PCDHA7: variants seen among roughly 807,000 people sequenced by gnomAD.
The protein encoded by PCDHA7 is protocadherin alpha 7.
Under a neutral mutation model 57.2 loss-of-function variants are expected in PCDHA7, and 37 were observed. The observed-to-expected ratio is 0.65, with a 90% CI of 0.50 to 0.85. The LOEUF (loss-of-function observed/expected upper bound fraction) is 0.85. Among genes scored for constraint, PCDHA7 ranks in the 40% least tolerant of loss-of-function variants. The pLI is 0.00. For synonymous variants in PCDHA7, 553 were observed against 558.8 expected (o/e 0.99, Z 0.15); for missense variants, 1,188 against 1,241.8 (o/e 0.96, Z 0.65).
intron 1 of PCDHA7, chr5:140,928,069 A>C (rs782427256): frequency 6.2e-7 from 1 of 1,614,180 alleles, no homozygotes; most frequent in Non-Finnish European, 8.5e-7. Context: ...TTCCTTTGAC[A>C]ACTACTACAG....
At chr5:140,869,288 G>C (rs950790626) in intron 1 of PCDHA7, 2 of 1,613,578 alleles carry the variant, frequency 1.2e-6, no homozygotes, top group South Asian at 1.1e-5. Flanking sequence ...CTGGTGCAGC[G>C]CCTGTTCCGG....
At chr5:140,984,704 G>A (rs2097116148) in intron 3 of PCDHA7, among the ~76,000 whole-genome samples, 1 of 152,032 alleles carries the variant, frequency 6.6e-6, no homozygotes, top group Non-Finnish European at 1.5e-5. Flanking sequence ...CTGCTTGGAG[G>A]GAATATGGCA....
chr5:140,958,890 A>G (rs1379321415), intron 1 of PCDHA7, among the ~76,000 whole-genome samples: 1 of 152,044 alleles, frequency 6.6e-6, no homozygotes, highest in African/African-American at 2.4e-5. Context: ...CAGTAGCTAT[A>G]TAATAGATAC....
At chr5:140,905,878 C>T (rs1187937436) in intron 1 of PCDHA7, among the ~76,000 whole-genome samples, 2 of 152,054 alleles carry the variant, frequency 1.3e-5, no homozygotes, top group African/African-American at 2.4e-5. Flanking sequence ...CAAGGCCCAA[C>T]AATAGGCCAT....
At chr5:140,875,947 GA>G in intron 1 of PCDHA7, 1 of 1,614,184 alleles carries the variant, frequency 6.2e-7, no homozygotes, top group Non-Finnish European at 8.5e-7. Context: ...GGGCGCTTCT[GA>G]TGCGGATATC....
chr5:140,978,057 T>C (rs527562348), intron 1 of PCDHA7, among the ~76,000 whole-genome samples: 1 of 152,304 alleles, frequency 6.6e-6, no homozygotes, highest in South Asian at 2.1e-4. Context: ...ACTGATGATG[T>C]CCCAGTGATT....
intron 1 of PCDHA7, among the ~76,000 whole-genome samples, chr5:140,940,929 A>G (rs2092704989): frequency 1.3e-5 from 2 of 152,230 alleles, no homozygotes; most frequent in Non-Finnish European, 2.9e-5. Flanking sequence ...CTCCTTGGCT[A>G]CTTAGACTAC....
intron 1 of PCDHA7, chr5:140,848,846 C>G: frequency 6.3e-7 from 1 of 1,590,530 alleles, no homozygotes; most frequent in Non-Finnish European, 8.6e-7. Flanking sequence ...TGCAGGTTTT[C>G]CATGTGGACG....
At chr5:140,909,926 A>G (rs781804027) in intron 1 of PCDHA7, among the ~76,000 whole-genome samples, 4 of 152,190 alleles carry the variant, frequency 2.6e-5, no homozygotes, top group Admixed American at 2.6e-4. Flanking sequence ...CCTTTCCCCA[A>G]TCACAGTTAC....
At chr5:140,916,776 C>A (rs2153540006) in intron 1 of PCDHA7, among the ~76,000 whole-genome samples, 1 of 152,308 alleles carries the variant, frequency 6.6e-6, no homozygotes. Context: ...CACAAGCACT[C>A]CCTTAGCTGC....
At chr5:140,900,957 A>C (rs1264192105) in intron 1 of PCDHA7, among the ~76,000 whole-genome samples, 1 of 152,206 alleles carries the variant, frequency 6.6e-6, no homozygotes, top group African/African-American at 2.4e-5. Flanking sequence ...TCTGATTATC[A>C]GTGATGTTGA....
In PCDHA7 at chr5:140,853,126, G is replaced by A. The variant is rs182768558; in HGVS notation, c.2355+16388G>A. 8.6e-5 allele frequency: 48 copies of A among 560,326 alleles called. 1 individual carries two copies. In the East Asian group the frequency reaches 5.9e-3, roughly 68 times the overall value. The allele number at this position is 560,326 out of a possible 1,614,324, so 34.7% of individuals were successfully genotyped here. On this transcript the variant is annotated intron_variant, in intron 1 of 3. Coordinates refer to ENST00000525929, the MANE Select transcript of PCDHA7 (RefSeq NM_018910.3). ...GATCTCCTGACCTCATGATCCTCCC[G>A]CCTCAGCCTCCCAAAATGCTGGGAT...
At chr5:140,870,402 T>G (rs782585618) in intron 1 of PCDHA7, 8 of 1,614,212 alleles carry the variant, frequency 5.0e-6, no homozygotes, top group Non-Finnish European at 5.1e-6. Flanking sequence ...GTTCGCCTTC[T>G]CTGTGGGCCA....
At chr5:141,005,978 G>C (rs1226619772) in intron 3 of PCDHA7, among the ~76,000 whole-genome samples, 2 of 151,936 alleles carry the variant, frequency 1.3e-5, no homozygotes, top group African/African-American at 4.8e-5. Context: ...CAATTCCAAA[G>C]AGTGTTTGAG....
chr5:140,877,917 T>G (rs2057395668), intron 1 of PCDHA7: 2 of 1,427,712 alleles, frequency 1.4e-6, no homozygotes, highest in Admixed American at 2.9e-5. Context: ...TTCTCTCATT[T>G]TTCTTTATGA....
intron 1 of PCDHA7, among the ~76,000 whole-genome samples, chr5:140,965,199 T>C (rs1296377172): frequency 6.6e-6 from 1 of 152,234 alleles, no homozygotes. Context: ...AGGCAATAGA[T>C]TTCAAATTCC....
intron 1 of PCDHA7, among the ~76,000 whole-genome samples, chr5:140,843,972 G>T (rs1779162813): frequency 6.7e-6 from 1 of 149,122 alleles, no homozygotes; most frequent in Non-Finnish European, 1.5e-5. Flanking sequence ...ATTTATTTTG[G>T]CCTGCCTTAC....
rs149174279 is a variant in PCDHA7, at chr5:140,843,203, A to G, written c.2355+6465A>G. 525 of 1,595,940 alleles carry G rather than the reference A, an allele frequency of 3.3e-4. 48 individuals carry two copies. Among genetic ancestry groups the G allele is most frequent in the Non-Finnish European group, 7.1e-5 (83 of 1,165,544 alleles). ...CATCCCGTTCCGCGTGGGGCTGTAC[A>G]CGGGCGAGATCAGCACCACTCGTGT... is the stretch of plus-strand genomic sequence containing the variant. On this transcript the variant is annotated intron_variant, in intron 1 of 3. Coordinates refer to ENST00000525929, the MANE Select transcript of PCDHA7 (RefSeq NM_018910.3).
intron 1 of PCDHA7, chr5:140,877,837 G>A (rs1313925880): frequency 6.3e-7 from 1 of 1,585,240 alleles, no homozygotes; most frequent in African/African-American, 1.4e-5. Context: ...TCCTCCCAGT[G>A]AAGTAAGTTA....
Sources: allele counts gnomAD v4.1 joint callset (sites outside exome capture counted in the v4.1 genomes callset), GRCh38; gene constraint gnomAD v4.1.1; transcripts MANE v1.5; gene names NCBI Gene and HGNC (gene_info 2026-07-23, HGNC 2026-07-21).